The following SLC10A2 variants were observed in gnomAD, a reference collection of about 807,000 sequenced individuals.
SLC10A2 encodes the protein ileal sodium/bile acid cotransporter.
A neutral mutation model predicts 27.1 loss-of-function variants in SLC10A2; 34 were observed. That is an observed-to-expected ratio of 1.26 (90% CI 0.96 to 1.67). The LOEUF is 1.67. SLC10A2 is among the 40% of genes most tolerant of loss of function. The probability of loss-of-function intolerance (pLI) is 0.00; values close to 1 mark genes in which losing one functional copy is unlikely to be tolerated. For missense variants in SLC10A2, 530 were observed against 444.4 expected, an observed-to-expected ratio of 1.19 and a Z score of -1.73; for synonymous variants, 205 against 174.0, an observed-to-expected ratio of 1.18 and a Z score of -1.40.
chr13:103,066,123 C>G lies in SLC10A2; in HGVS notation c.127G>C (p.Ala43Pro). The G allele has an allele frequency of 6.2e-7, 1 of 1,614,056 alleles. No individual in the cohort carries two copies. The highest frequency in any genetic ancestry group is 8.5e-7 in the Non-Finnish European group (1 of 1,179,970). Residue 43 changes from alanine to proline, a missense_variant, in exon 1 of 6, where the codon GCC becomes CCC. Physicochemically the swap from Ala to Pro is conservative, Grantham distance 27 (BLOSUM62 -1). Coordinates refer to ENST00000245312, the MANE Select transcript of SLC10A2 (RefSeq NM_000452.3). Reference protein sequence around the residue: ...VLSTVLTILLALVMFSMGCNV... With the variant: ...VLSTVLTILLPLVMFSMGCNV... The stretch of plus-strand genomic sequence containing the variant: ...CATCCCATGGAGAACATCACCAAGG[C>G]CAACAGGATGGTCAGCACCGTACTT...
rs57632342 is a variant in SLC10A2 at position 103,056,428 on chromosome 13, A to G, written c.496+1836T>C. ...TTTCTCCTTATTTCAAAATTTATTC[A>G]CATCACAGAATATGGTATAAGTCAT... On this transcript the variant is annotated intron_variant, in intron 2 of 5. Transcript: ENST00000245312. Among the ~76,000 whole-genome samples, 124 of 152,252 alleles carry G rather than the reference A, an allele frequency of 8.1e-4. 2 individuals carry two copies. Among genetic ancestry groups the G allele is most frequent in the African/African-American group, 2.7e-3 (113 of 41,538 alleles).
In SLC10A2 at chr13:103,051,301, G is replaced by A. The variant is rs1875771991; in HGVS notation, c.717C>T (p.Ser239=). 2.5e-6 allele frequency: 4 copies of A among 1,614,040 alleles called. No individual in the cohort carries two copies. Among genetic ancestry groups the A allele is most frequent in the Non-Finnish European group, 8.5e-7 (1 of 1,180,000 alleles). ...CAATTCTAGCCAGAAGAAACCCCAG[G>A]GAGTAACCCGCCACAGGAAATATTG... ...IGTIFPVAGY[S]LGFLLARIAG... Residue 239 remains serine (S), a synonymous_variant, in exon 4 of 6, where the codon TCC becomes TCT. Transcript: ENST00000245312.
At chr13:103,063,139 G>T (rs1876174027) in intron 1 of SLC10A2, among the ~76,000 whole-genome samples, 1 of 152,194 alleles carries the variant, frequency 6.6e-6, no homozygotes, top group Admixed American at 6.5e-5. Flanking sequence ...ACAAACTCCA[G>T]GCTGGGAGTG....
In SLC10A2 at chr13:103,045,489, T is replaced by C. The variant is rs1465164648; in HGVS notation, c.*644A>G. On this transcript the variant is annotated 3_prime_UTR_variant, in exon 6 of 6. Coordinates refer to ENST00000245312, the MANE Select transcript of SLC10A2 (RefSeq NM_000452.3). ...CTGAGTTAAGAGCCTGCATCCAATA[T>C]GGTTATTGAATTCTATTTTGTAATA... 1 of 152,660 alleles carries C rather than the reference T, an allele frequency of 6.6e-6. No individual in the cohort carries two copies. The allele number at this position is 152,660 out of a possible 1,614,324, so 9.5% of individuals were successfully genotyped here. A position where few individuals can be genotyped will look rare whatever the true frequency, so the allele number is the denominator to read the frequency against.
rs901548026 is a variant in SLC10A2, at chr13:103,044,948, T to TA, written c.*1184dup. 6.6e-6 allele frequency: 1 copy of TA among 152,206 alleles called. No homozygotes were observed. Among genetic ancestry groups the TA allele is most frequent in the Non-Finnish European group, 1.5e-5 (1 of 68,054 alleles). The allele number at this position is 152,206 out of a possible 1,614,324, so 9.4% of individuals were successfully genotyped here. A position where few individuals can be genotyped will look rare whatever the true frequency, so the allele number is the denominator to read the frequency against. On this transcript the variant is annotated 3_prime_UTR_variant, in exon 6 of 6. Coordinates refer to ENST00000245312, the MANE Select transcript of SLC10A2 (RefSeq NM_000452.3). ...CTGGCTTCCCTTGGCTACACCTACT[T>TA]ACAGCATTGAAACAACTTTCCTGGC...
At position 103,061,623 on chromosome 13, in the gene SLC10A2, C is replaced by T. The variant is rs557888091; in HGVS notation, c.378-3241G>A. 9.9e-5 allele frequency among the ~76,000 whole-genome samples: 15 copies of T among 151,774 alleles called. No individual in the cohort carries two copies. The East Asian group carries it at 1.7e-3, about 18-fold the overall frequency. ...TGAATATTGCTAAGACAATCTATGA[C>T]GTTGTATCATAATTTTGAGTTTGGT... On this transcript the variant is annotated intron_variant, in intron 1 of 5. Transcript: ENST00000245312.
At chr13:103,053,057 T>A (rs1029007162) in intron 2 of SLC10A2, among the ~76,000 whole-genome samples, 1 of 150,474 alleles carries the variant, frequency 6.6e-6, no homozygotes, top group African/African-American at 2.5e-5. Flanking sequence ...GATCTTTATA[T>A]CTCTAGGAAA....
At chr13:103,060,746 T>G (rs1876092101) in intron 1 of SLC10A2, among the ~76,000 whole-genome samples, 2 of 152,144 alleles carry the variant, frequency 1.3e-5, no homozygotes, top group Admixed American at 1.3e-4. Context: ...ATCGGGAAAC[T>G]TAGAGAAATG....
chr13:103,049,185 G>A lies in SLC10A2; in HGVS notation c.919+104C>T. The A allele has an allele frequency of 3.2e-6, 4 of 1,233,940 alleles. No individual in the cohort carries two copies. The South Asian group carries it at 3.6e-5, about 11-fold the overall frequency. 76.4% of individuals were successfully genotyped at this position (1,233,940 alleles called of 1,614,324 possible). On this transcript the variant is annotated intron_variant, in intron 5 of 5. Coordinates refer to ENST00000245312, the MANE Select transcript of SLC10A2 (RefSeq NM_000452.3). ...GGTGGCTTTTTCCTCTCATATATTT[G>A]TACAATTCACCACCAGGAACGGGGA...
Position 103,065,878 on chromosome 13 carries a change from G to T in SLC10A2, c.372C>A (p.Asp124Glu), listed in dbSNP as rs756093103. The part of the protein sequence containing the change: ...ILAYWVDGDM[D>E]LSVSMTTCST... ...AGAGGTATAGATAATCTTACCTCAGGTCCATGTCGCCATCGACCCAATAGG... is the reference window on the plus strand; with the variant it reads ...AGAGGTATAGATAATCTTACCTCAGTTCCATGTCGCCATCGACCCAATAGG... Residue 124 changes from aspartate (D) to glutamate (E), a missense_variant, in exon 1 of 6, where the codon GAC becomes GAA. Transcript: ENST00000245312. 8 of 1,614,044 alleles carry T rather than the reference G, an allele frequency of 5.0e-6. No homozygotes were observed. The highest frequency in any genetic ancestry group is 6.8e-6 in the Non-Finnish European group (8 of 1,180,022).
At chr13:103,050,224 G>A (rs1472998625) in intron 4 of SLC10A2, among the ~76,000 whole-genome samples, 1 of 152,140 alleles carries the variant, frequency 6.6e-6, no homozygotes, top group Non-Finnish European at 1.5e-5. Flanking sequence ...CCATTCTACA[G>A]ATGATAAAAC....
At chr13:103,047,117 A>G (rs1195312080) in intron 5 of SLC10A2, among the ~76,000 whole-genome samples, 1 of 152,232 alleles carries the variant, frequency 6.6e-6, no homozygotes, top group Non-Finnish European at 1.5e-5. Context: ...TAAAATGGCC[A>G]TAATAATATT....
chr13:103,051,206 C>T (rs759225842), intron 4 of SLC10A2, 51 bp downstream of exon 4: 4 of 1,581,976 alleles, frequency 2.5e-6, no homozygotes, highest in Non-Finnish European at 3.5e-6. Context: ...CAAAGGAATA[C>T]AACAGATATT....
chr13:103,064,250 T>A (rs1434657230), intron 1 of SLC10A2, among the ~76,000 whole-genome samples: 1 of 150,992 alleles, frequency 6.6e-6, no homozygotes. Context: ...TTAGTTCTTA[T>A]TAAAAAAAAT....
At chr13:103,064,657 TA>T (rs1243454156) in intron 1 of SLC10A2, among the ~76,000 whole-genome samples, 14 of 152,110 alleles carry the variant, frequency 9.2e-5, no homozygotes, top group Non-Finnish European at 1.9e-4. Context: ...AATTGAGGTC[TA>T]AAAAGACCTT....
chr13:103,046,979 C>T (rs967094025), intron 5 of SLC10A2, among the ~76,000 whole-genome samples: 1 of 152,136 alleles, frequency 6.6e-6, no homozygotes, highest in East Asian at 1.9e-4. Context: ...TAAGTTTTAT[C>T]CATAGTTAAA....
At chr13:103,051,920 A>G (rs1295692926) in intron 3 of SLC10A2, among the ~76,000 whole-genome samples, 1 of 149,926 alleles carries the variant, frequency 6.7e-6, no homozygotes, top group African/African-American at 2.5e-5. Flanking sequence ...AAAAGGTATA[A>G]GCAAATGAAA....
intron 1 of SLC10A2, among the ~76,000 whole-genome samples, chr13:103,063,974 C>G (rs369833395): frequency 2.0e-5 from 3 of 152,202 alleles, no homozygotes; most frequent in Admixed American, 6.5e-5. Flanking sequence ...CTTCCTAACA[C>G]TCTGCTTCCT....
chr13:103,061,590 T>C (rs1234639701), intron 1 of SLC10A2, among the ~76,000 whole-genome samples: 1 of 152,154 alleles, frequency 6.6e-6, no homozygotes, highest in African/African-American at 2.4e-5. Context: ...TTGCAAAACC[T>C]TTAATTCTGA....
Sources: allele counts gnomAD v4.1 joint callset (sites outside exome capture counted in the v4.1 genomes callset), GRCh38; gene constraint gnomAD v4.1.1; transcripts MANE v1.5; gene names NCBI Gene and HGNC (gene_info 2026-07-23, HGNC 2026-07-21).